The following DTNA variants were observed in gnomAD, a reference collection of about 807,000 sequenced individuals.
The protein encoded by DTNA is dystrophin-related protein 3.
Under a neutral mutation model 100.7 loss-of-function variants are expected in DTNA, and 43 were observed. That is an observed-to-expected ratio of 0.43 (90% CI 0.33 to 0.55). The LOEUF is 0.55. Among genes scored for constraint, DTNA ranks in the 20% least tolerant of loss-of-function variants. The pLI, the probability that DTNA is intolerant of heterozygous loss-of-function variation, is 0.04. For synonymous variants in DTNA, 349 were observed against 347.9 expected (o/e 1.00, Z -0.04); for missense variants, 798 against 953.9 (o/e 0.84, Z 2.15).
intron 17 of DTNA, chr18:34,866,472 A>G: frequency 8.2e-7 from 1 of 1,218,564 alleles, no homozygotes; most frequent in South Asian, 1.7e-5. Context: ...TTCTCTTAAC[A>G]GAGAGATACC....
intron 1 of DTNA, among the ~76,000 whole-genome samples, chr18:34,537,192 G>C (rs1469456603): frequency 1.3e-5 from 2 of 151,780 alleles, no homozygotes; most frequent in African/African-American, 4.8e-5. Flanking sequence ...TCAGCTAATG[G>C]GGGCTTAGAT....
chr18:34,616,516 T>TG (rs879380489), intron 1 of DTNA, among the ~76,000 whole-genome samples: 6 of 152,222 alleles, frequency 3.9e-5, no homozygotes, highest in Admixed American at 3.3e-4. Flanking sequence ...AGTACCATGC[T>TG]GTTTTGGTTA....
rs117210403 is a variant in DTNA, at chr18:34,643,899, C to T, written c.-1-112077C>T. On this transcript the variant is annotated intron_variant, in intron 1 of 19. Transcript: ENST00000283365. The stretch of plus-strand genomic sequence containing the variant: ...TCTTTTATACCTATAAAATTATAAG[C>T]TCCTGCTATATAATATAATCTAGAT... Among the ~76,000 whole-genome samples the T allele has an allele frequency of 2.6e-4, 39 of 151,956 alleles. 1 individual carries two copies. In the East Asian group the frequency reaches 4.2e-3, roughly 17 times the overall value.
chr18:34,673,859 C>T (rs1275552194), intron 1 of DTNA, among the ~76,000 whole-genome samples: 2 of 152,026 alleles, frequency 1.3e-5, no homozygotes, highest in African/African-American at 4.8e-5. Flanking sequence ...AGAATAAAAC[C>T]GAATTCTCTG....
chr18:34,860,235 T>G (rs1317796361), intron 16 of DTNA, among the ~76,000 whole-genome samples: 5 of 139,410 alleles, frequency 3.6e-5, no homozygotes, highest in Middle Eastern at 3.5e-3. Context: ...TTTTTTTTTT[T>G]TTTTTTTTTT....
intron 1 of DTNA, among the ~76,000 whole-genome samples, chr18:34,514,190 T>G (rs1047041373): frequency 2.0e-5 from 3 of 152,100 alleles, no homozygotes; most frequent in African/African-American, 7.2e-5. Flanking sequence ...TTGTCCTAAT[T>G]CCACATCAGC....
At chr18:34,555,692 G>T (rs28814380) in intron 1 of DTNA, among the ~76,000 whole-genome samples, 15,392 of 152,112 alleles carry the variant, frequency 0.1, 1,142 homozygotes, top group African/African-American at 0.2. Flanking sequence ...GGTTTTGAGT[G>T]AGATTCTTAA....
At chr18:34,773,833 G>A (rs1339324629) in intron 3 of DTNA, among the ~76,000 whole-genome samples, 1 of 152,214 alleles carries the variant, frequency 6.6e-6, no homozygotes, top group East Asian at 1.9e-4. Flanking sequence ...TGATGATTAT[G>A]ATATGGGTTT....
chr18:34,621,994 C>T (rs1729293132), intron 1 of DTNA, among the ~76,000 whole-genome samples: 1 of 151,886 alleles, frequency 6.6e-6, no homozygotes, highest in Admixed American at 6.6e-5. Context: ...AGAGTGGTTG[C>T]AAAGGGTGGG....
In DTNA at chr18:34,891,049, A is replaced by C. The variant is rs1420245276; in HGVS notation, c.*3315A>C. On this transcript the variant is annotated 3_prime_UTR_variant, in exon 23 of 23. Transcript: ENST00000444659. The stretch of plus-strand genomic sequence containing the variant: ...TGAGAACTCCACTGTCCTTAGAAGA[A>C]AGGGCATTTTTACTTTTGAACCAAA... The C allele has an allele frequency of 6.6e-6, 1 of 152,568 alleles. No individual in the cohort carries two copies. Among genetic ancestry groups the C allele is most frequent in the African/African-American group, 2.4e-5 (1 of 41,434 alleles). The allele number at this position is 152,568 out of a possible 1,614,324, so 9.5% of individuals were successfully genotyped here.
chr18:34,611,366 T>C (rs1301930551), intron 1 of DTNA, among the ~76,000 whole-genome samples: 1 of 152,172 alleles, frequency 6.6e-6, no homozygotes, highest in Non-Finnish European at 1.5e-5. Flanking sequence ...ATTTAACAGG[T>C]AGAGAGTGAT....
chr18:34,838,673 CT>C, intron 12 of DTNA, 71 bp from the exon 13 acceptor site: 1 of 1,349,706 alleles, frequency 7.4e-7, no homozygotes, highest in Non-Finnish European at 1.1e-6. Context: ...CAAAAACTCA[CT>C]CCTACCTCCT....
upstream of DTNA, among the ~76,000 whole-genome samples, chr18:34,710,082 A>AT (rs1205479368): frequency 1.3e-5 from 2 of 152,138 alleles, no homozygotes; most frequent in East Asian, 3.9e-4. Context: ...TACTTCTGTT[A>AT]TTTTTTTCTT....
At chr18:34,782,325 A>G (rs1297253259) in intron 3 of DTNA, among the ~76,000 whole-genome samples, 1 of 152,224 alleles carries the variant, frequency 6.6e-6, no homozygotes, top group African/African-American at 2.4e-5. Context: ...GATGAAAGCC[A>G]TGGACCTATG....
intron 1 of DTNA, among the ~76,000 whole-genome samples, chr18:34,565,856 C>A: frequency 6.6e-6 from 1 of 152,188 alleles, no homozygotes; most frequent in African/African-American, 2.4e-5. Context: ...ATTCAACCTG[C>A]TACAGCCACC....
chr18:34,683,185 G>A (rs1241913616), intron 1 of DTNA, among the ~76,000 whole-genome samples: 1 of 151,954 alleles, frequency 6.6e-6, no homozygotes, highest in Admixed American at 6.6e-5. Context: ...TTTAGTAATG[G>A]TTGTTTGCTA....
intron 1 of DTNA, among the ~76,000 whole-genome samples, chr18:34,549,077 A>G (rs751815522): frequency 6.6e-6 from 1 of 151,984 alleles, no homozygotes; most frequent in Non-Finnish European, 1.5e-5. Flanking sequence ...AATGTCATCT[A>G]GAGCTCCTGC....
intron 1 of DTNA, among the ~76,000 whole-genome samples, chr18:34,523,762 T>C (rs1448071448): frequency 6.6e-6 from 1 of 152,202 alleles, no homozygotes; most frequent in African/African-American, 2.4e-5. Context: ...TTTTATCATA[T>C]TAATTTTAAT....
chr18:34,768,867 T>G (rs891554297), intron 3 of DTNA, among the ~76,000 whole-genome samples: 8 of 152,144 alleles, frequency 5.3e-5, no homozygotes, highest in Non-Finnish European at 1.0e-4. Flanking sequence ...TTAAGCAGAT[T>G]TATAAAACCA....
Sources: gnomAD v4.1 joint callset for allele counts (sites outside exome capture counted in the v4.1 genomes callset) on GRCh38, gnomAD v4.1.1 for gene constraint, MANE v1.5 for transcripts, NCBI Gene and HGNC (gene_info 2026-07-23, HGNC 2026-07-21) for gene names.